Variants in MYO3A observed in about 807,000 individuals in gnomAD.
MYO3A encodes myosin IIIA, also known as myosin-IIIa.
A neutral mutation model predicts 192.7 loss-of-function variants in MYO3A; 180 were observed. The observed-to-expected ratio is 0.93, with a 90% confidence interval of 0.83 to 1.06. The LOEUF (loss-of-function observed/expected upper bound fraction) is 1.06. Among genes scored for constraint, MYO3A ranks in the 50% least tolerant of loss-of-function variants. The probability of loss-of-function intolerance (pLI) is 0.00; values close to 1 mark genes in which losing one functional copy is unlikely to be tolerated. For missense variants in MYO3A, 1,896 were observed against 1,905.0 expected, an observed-to-expected ratio of 1.00 and a Z score of 0.09; for synonymous variants, 628 against 645.3, an observed-to-expected ratio of 0.97 and a Z score of 0.41.
chr10:26,162,992 C>T (rs758844368), intron 26 of MYO3A, among the ~76,000 whole-genome samples: 6 of 152,224 alleles, frequency 3.9e-5, no homozygotes, highest in Non-Finnish European at 7.3e-5. Context: ...GGCGCGCAAG[C>T]GTAGTGAGTT....
intron 10 of MYO3A, among the ~76,000 whole-genome samples, chr10:26,064,389 G>C (rs1234196614): frequency 6.6e-6 from 1 of 152,146 alleles, no homozygotes; most frequent in Non-Finnish European, 1.5e-5. Flanking sequence ...TGAGTAGGAG[G>C]GATATTAGAA....
chr10:26,061,274 A>G (rs968713453), intron 10 of MYO3A, among the ~76,000 whole-genome samples: 1 of 152,168 alleles, frequency 6.6e-6, no homozygotes, highest in Admixed American at 6.5e-5. Context: ...AAAAGGATGA[A>G]TAACACTTGA....
At chr10:25,937,645 AT>A (rs1351262854) in intron 2 of MYO3A, among the ~76,000 whole-genome samples, 4 of 152,164 alleles carry the variant, frequency 2.6e-5, no homozygotes, top group Admixed American at 6.5e-5. Flanking sequence ...AAAGATGGAG[AT>A]TTTTTTTAAA....
At chr10:26,122,816 AT>A (rs1327540677) in intron 18 of MYO3A, among the ~76,000 whole-genome samples, 1 of 152,122 alleles carries the variant, frequency 6.6e-6, no homozygotes. Context: ...GCTTTGTTTT[AT>A]AAAGTATTGT....
intron 26 of MYO3A, among the ~76,000 whole-genome samples, chr10:26,160,458 T>C (rs993044790): frequency 6.6e-6 from 1 of 152,102 alleles, no homozygotes; most frequent in Non-Finnish European, 1.5e-5. Context: ...GCCTGGGCAA[T>C]GTAGCAAGAC....
At chr10:26,064,316 G>A (rs1395062070) in intron 10 of MYO3A, among the ~76,000 whole-genome samples, 1 of 152,186 alleles carries the variant, frequency 6.6e-6, no homozygotes, top group Non-Finnish European at 1.5e-5. Context: ...CCAAAGCTGT[G>A]AGGTAGAAGC....
At chr10:26,087,763 C>T (rs1326964810) in intron 14 of MYO3A, among the ~76,000 whole-genome samples, 1 of 152,210 alleles carries the variant, frequency 6.6e-6, no homozygotes, top group Non-Finnish European at 1.5e-5. Flanking sequence ...ATTCCCTTCT[C>T]TCTGCTTCTG....
chr10:26,211,792 C>T (rs375741244), intron 34 of MYO3A, 51 bp from the exon 35 acceptor site: 13 of 1,610,602 alleles, frequency 8.1e-6, no homozygotes, highest in African/African-American at 2.7e-5. Flanking sequence ...GGTGGGGACG[C>T]GCTGCTCACT....
At chr10:26,061,795 TCACCATCCACTC>T (rs973818420) in intron 10 of MYO3A, among the ~76,000 whole-genome samples, 1 of 152,144 alleles carries the variant, frequency 6.6e-6, no homozygotes. Context: ...CCTCTGCTCC[TCACCATCCACTC>T]CCTATCGTTC....
At chr10:25,989,689 A>G (rs1343980492) in intron 4 of MYO3A, among the ~76,000 whole-genome samples, 1 of 152,206 alleles carries the variant, frequency 6.6e-6, no homozygotes, top group Non-Finnish European at 1.5e-5. Flanking sequence ...TTAATCCAAA[A>G]TGTACTATAA....
chr10:26,122,328 A>G (rs1838922588), intron 18 of MYO3A, among the ~76,000 whole-genome samples: 1 of 152,238 alleles, frequency 6.6e-6, no homozygotes, highest in Non-Finnish European at 1.5e-5. Context: ...ACTTTCTGGA[A>G]TAACCACTCA....
chr10:26,185,939 T>C (rs1026772639), intron 31 of MYO3A, among the ~76,000 whole-genome samples: 6 of 152,232 alleles, frequency 3.9e-5, no homozygotes, highest in Non-Finnish European at 8.8e-5. Context: ...TCAACTAGTA[T>C]AGCTGTAATT....
rs5783961 is a variant in MYO3A at position 26,113,476 on chromosome 10, CA to C, written c.1777-7189del. On this transcript the variant is annotated intron_variant, in intron 17 of 34. Coordinates refer to ENST00000642920, the MANE Select transcript of MYO3A (RefSeq NM_017433.5). ...AGAGCAAGACTACGTCTCAAAAAAA[CA>C]AAAAAAAAAACAAAAAAAAACTGAT... is the stretch of plus-strand genomic sequence containing the variant. 9.8e-4 allele frequency among the ~76,000 whole-genome samples: 135 copies of C among 138,150 alleles called. 2 individuals carry two copies. In the Middle Eastern group the frequency reaches 0.011, roughly 11 times the overall value. The allele number at this position is 138,150 out of a possible 152,430, so 90.6% of individuals were successfully genotyped here. A position where few individuals can be genotyped will look rare whatever the true frequency, so the allele number is the denominator to read the frequency against.
At chr10:26,042,445 T>C (rs1564487353) in intron 10 of MYO3A, among the ~76,000 whole-genome samples, 1 of 152,172 alleles carries the variant, frequency 6.6e-6, no homozygotes, top group Admixed American at 6.5e-5. Context: ...AAGTTTTACA[T>C]TTTTCCCTTT....
At chr10:25,968,867 A>G (rs955596215) in intron 4 of MYO3A, among the ~76,000 whole-genome samples, 1 of 152,214 alleles carries the variant, frequency 6.6e-6, no homozygotes, top group African/African-American at 2.4e-5. Context: ...CCTGCCTATT[A>G]GTGACTTAGT....
At chr10:26,009,563 G>A (rs897533919) in intron 6 of MYO3A, among the ~76,000 whole-genome samples, 6 of 152,066 alleles carry the variant, frequency 3.9e-5, no homozygotes, top group African/African-American at 1.4e-4. Flanking sequence ...TCAGGTGCGG[G>A]TGTGCAGAGC....
Position 26,201,299 on chromosome 10 carries a change from AAGAC to A in MYO3A, c.4583_4586del (p.Asp1528ValfsTer6), listed in dbSNP as rs1843661051. 1 of 1,578,900 alleles carries A rather than the reference AAGAC, an allele frequency of 6.3e-7. No homozygotes were observed. The highest frequency in any genetic ancestry group is 8.7e-7 in the Non-Finnish European group (1 of 1,153,800). On this transcript the variant is annotated frameshift_variant and splice_region_variant, in exon 33 of 35. Transcript: ENST00000642920. LOFTEE classifies it high-confidence loss of function. ...CAAGAAGAAAAACGAAGACCAAGGA[AAGAC>A]AGGTAATTATTACTTCTGGATTTCA...
intron 17 of MYO3A, among the ~76,000 whole-genome samples, chr10:26,101,782 A>G (rs1374345757): frequency 1.3e-5 from 2 of 152,102 alleles, no homozygotes; most frequent in Non-Finnish European, 2.9e-5. Flanking sequence ...AGTCTGATGG[A>G]CTTCCCTTTG....
At chr10:26,206,020 A>G (rs549834801) in intron 34 of MYO3A, among the ~76,000 whole-genome samples, 1 of 151,554 alleles carries the variant, frequency 6.6e-6, no homozygotes, top group African/African-American at 2.4e-5. Context: ...TTGATTCCAT[A>G]TATTGGCTCT....
Sources: gnomAD v4.1 joint callset for allele counts (sites outside exome capture counted in the v4.1 genomes callset) on GRCh38, gnomAD v4.1.1 for gene constraint, MANE v1.5 for transcripts, NCBI Gene and HGNC (gene_info 2026-07-23, HGNC 2026-07-21) for gene names.